The following GAK variants were observed in gnomAD, a reference collection of about 807,000 sequenced individuals.
The protein encoded by GAK is cyclin-G-associated kinase.
GAK carries 79 observed loss-of-function variants against 143.9 expected under a neutral mutation model. The ratio of observed to expected loss-of-function variants is 0.55; its 90% CI spans 0.46 to 0.66. GAK has a LOEUF of 0.66. Ranked by LOEUF, GAK falls within the 30% of genes least tolerant of loss-of-function variation. GAK has a pLI of 0.00. For synonymous variants in GAK, 881 were observed against 765.5 expected (o/e 1.15, Z -2.49); for missense variants, 1,693 against 1,779.7 (o/e 0.95, Z 0.88).
At chr4:885,152 G>C (rs558569276) in intron 11 of GAK, among the ~76,000 whole-genome samples, 7 of 152,054 alleles carry the variant, frequency 4.6e-5, no homozygotes, top group Admixed American at 3.9e-4. Flanking sequence ...CACAGGATGC[G>C]GGTCTTCCAA....
intron 4 of GAK, among the ~76,000 whole-genome samples, chr4:910,405 G>C (rs1175735785): frequency 7.4e-6 from 1 of 135,754 alleles, no homozygotes; most frequent in African/African-American, 2.8e-5. Context: ...ACTAAGTGCA[G>C]TCCCCCCTCC....
At position 904,737 on chromosome 4, in the gene GAK, G is replaced by A; in HGVS notation, c.425C>T (p.Pro142Leu). ...EFLKKMESRG[P>L]LSCDTVLKIF... is the part of the protein sequence containing the mutation. ...CTTCAGAACCGTGTCGCACGAAAGG[G>A]GGCCTCGAGATTCCATTTTCTTCAA... Residue 142 changes from proline (P) to leucine (L), a missense_variant, in exon 5 of 28, where the codon CCC (proline) becomes CTC (leucine). Coordinates refer to ENST00000314167, the MANE Select transcript of GAK (RefSeq NM_005255.4). 6.2e-7 allele frequency: 1 copy of A among 1,614,190 alleles called. No homozygotes were observed. Among genetic ancestry groups the A allele is most frequent in the Non-Finnish European group, 8.5e-7 (1 of 1,180,010 alleles).
intron 4 of GAK, among the ~76,000 whole-genome samples, chr4:910,587 C>T (rs375857785): frequency 5.3e-4 from 81 of 152,226 alleles, no homozygotes; most frequent in African/African-American, 1.8e-3. Context: ...CTGCGCTAGC[C>T]GGCCTGCGGG....
intron 7 of GAK, chr4:894,247 C>A (rs991407315): frequency 7.1e-6 from 3 of 422,998 alleles, no homozygotes; most frequent in South Asian, 3.6e-5. Context: ...GACACCCGGG[C>A]CGCGGGGAGC....
chr4:914,545 C>T (rs901195598), intron 1 of GAK, among the ~76,000 whole-genome samples: 7 of 112,502 alleles, frequency 6.2e-5, no homozygotes, highest in East Asian at 3.7e-4. Flanking sequence ...CACACACACA[C>T]AGCCCCAGCG....
intron 15 of GAK, among the ~76,000 whole-genome samples, chr4:879,010 T>C (rs999350482): frequency 2.0e-5 from 3 of 152,098 alleles, no homozygotes; most frequent in South Asian, 2.1e-4. Flanking sequence ...ACAGCCCGAG[T>C]GGCCAAGGAA....
chr4:877,255 A>C, intron 16 of GAK, 48 bp from the exon 17 acceptor site: 1 of 1,274,306 alleles, frequency 7.8e-7, no homozygotes, highest in Non-Finnish European at 1.1e-6. Context: ...CCCAAAACCA[A>C]CCAAACAAAA....
intron 1 of GAK, chr4:915,359 C>G (rs574887732): frequency 5.4e-6 from 1 of 186,396 alleles, no homozygotes; most frequent in African/African-American, 2.4e-5. Context: ...ACAAGCAGTT[C>G]TCCAAAGACC....
Position 904,727 on chromosome 4 carries a change from G to A in GAK, c.435C>T (p.Cys145=), listed in dbSNP as rs773921829. 76 of 1,614,096 alleles carry A rather than the reference G, an allele frequency of 4.7e-5. No homozygotes were observed. Among genetic ancestry groups the A allele is most frequent in the Non-Finnish European group, 5.8e-5 (68 of 1,179,972 alleles). Residue 145 remains cysteine, a synonymous_variant, in exon 5 of 28, where the codon TGC becomes TGT. Transcript: ENST00000314167. ...GGTAGAAGATCTTCAGAACCGTGTC[G>A]CACGAAAGGGGGCCTCGAGATTCCA... ...KKMESRGPLS[C]DTVLKIFYQT...
At chr4:874,870 C>T (rs1322980180) in intron 18 of GAK, among the ~76,000 whole-genome samples, 5 of 152,296 alleles carry the variant, frequency 3.3e-5, no homozygotes, top group Admixed American at 1.3e-4. Flanking sequence ...CCTCTCTGTA[C>T]GTGTCTTCTT....
chr4:904,760 C>T lies in GAK; in HGVS notation c.402G>A (p.Leu134=), dbSNP rs1720760084. 1 of 1,613,988 alleles carries T rather than the reference C, an allele frequency of 6.2e-7. No homozygotes were observed. Among genetic ancestry groups the T allele is most frequent in the Non-Finnish European group, 8.5e-7 (1 of 1,179,996 alleles). The change falls in exon 5 of 28, where the codon TTG becomes TTA. Residue 134 remains leucine, a synonymous_variant. Transcript: ENST00000314167. Reference sequence around the variant, plus strand: ...GGGGGCCTCGAGATTCCATTTTCTTCAAAAATTCCACCAGCTGCCCTAAAA... The same window carrying T: ...GGGGGCCTCGAGATTCCATTTTCTTTAAAAATTCCACCAGCTGCCCTAAAA... ...ELCKGQLVEF[L]KKMESRGPLS... is the part of the protein sequence containing the mutation.
At chr4:893,071 G>A (rs1717985105) in intron 9 of GAK, among the ~76,000 whole-genome samples, 1 of 152,172 alleles carries the variant, frequency 6.6e-6, no homozygotes, top group Non-Finnish European at 1.5e-5. Context: ...GGGGGGATTT[G>A]GGGCTCACAT....
rs540949794 is a variant in GAK, at chr4:859,126, G to T, written c.3283+480C>A. 1.8e-5 allele frequency: 18 copies of T among 977,454 alleles called. No individual in the cohort carries two copies. In the African/African-American group the frequency reaches 2.8e-4, roughly 15 times the overall value. The allele number at this position is 977,454 out of a possible 1,614,324, so 60.5% of individuals were successfully genotyped here. A position where few individuals can be genotyped will look rare whatever the true frequency, so the allele number is the denominator to read the frequency against. On this transcript the variant is annotated intron_variant, in intron 24 of 27. Transcript: ENST00000314167. ...GCCCAAGGAGACTTGAAGCCACAGC[G>T]CCCGGGGCCGGGCCTGAGGCAGACG...
At chr4:917,449 C>T (rs1384735843) in intron 1 of GAK, among the ~76,000 whole-genome samples, 1 of 152,128 alleles carries the variant, frequency 6.6e-6, no homozygotes, top group Non-Finnish European at 1.5e-5. Flanking sequence ...AGTACATATA[C>T]ACATACAGTC....
intron 14 of GAK, 29 bp downstream of exon 14, chr4:882,667 AC>A: frequency 6.2e-7 from 1 of 1,605,550 alleles, no homozygotes; most frequent in Non-Finnish European, 8.5e-7. Flanking sequence ...TTGACAGAAG[AC>A]GGCGCCAGCC....
At chr4:913,097 C>G (rs989481385) in intron 2 of GAK, among the ~76,000 whole-genome samples, 1 of 152,062 alleles carries the variant, frequency 6.6e-6, no homozygotes, top group African/African-American at 2.4e-5. Flanking sequence ...GACACGGGGG[C>G]AGCAGGCGTG....
intron 9 of GAK, among the ~76,000 whole-genome samples, chr4:891,852 C>T (rs1717736076): frequency 6.6e-6 from 1 of 152,158 alleles, no homozygotes; most frequent in Non-Finnish European, 1.5e-5. Flanking sequence ...CTGCCGCTCT[C>T]TGACAGCCCC....
At chr4:914,678 GCCCCA>G (rs1213791936) in intron 1 of GAK, among the ~76,000 whole-genome samples, 2 of 92,524 alleles carry the variant, frequency 2.2e-5, no homozygotes, top group Admixed American at 1.5e-4. Context: ...AGCGTGCACA[GCCCCA>G]CCCCCAACAC....
intron 1 of GAK, among the ~76,000 whole-genome samples, chr4:921,900 T>C (rs1324296181): frequency 2.0e-5 from 3 of 152,118 alleles, no homozygotes; most frequent in Non-Finnish European, 4.4e-5. Context: ...CCTGAAGATA[T>C]GCAGATGGCA....
Sources: allele counts gnomAD v4.1 joint callset (sites outside exome capture counted in the v4.1 genomes callset), GRCh38; gene constraint gnomAD v4.1.1; transcripts MANE v1.5; gene names NCBI Gene and HGNC (gene_info 2026-07-23, HGNC 2026-07-21).